The following TJP1 variants were observed in gnomAD, a reference collection of about 807,000 sequenced individuals.
The protein encoded by TJP1 is tight junction protein ZO-1.
A neutral mutation model predicts 194.2 loss-of-function variants in TJP1; 43 were observed. The observed-to-expected ratio is 0.22, with a 90% CI of 0.17 to 0.29. The LOEUF is 0.29. Among genes scored for constraint, TJP1 ranks in the 10% least tolerant of loss-of-function variants. The pLI, the probability that TJP1 is intolerant of heterozygous loss-of-function variation, is 1.00. For missense variants in TJP1, 1,971 were observed against 2,185.7 expected (o/e 0.90, Z 1.96); for synonymous variants, 801 against 779.0 (o/e 1.03, Z -0.47).
chr15:29,896,183 C>T (rs537829368), intron 2 of TJP1, among the ~76,000 whole-genome samples: 24 of 152,294 alleles, frequency 1.6e-4, no homozygotes, highest in Non-Finnish European at 3.5e-4. Flanking sequence ...TTGTAACTCC[C>T]ACAGTTCCCA....
intron 19 of TJP1, 61 bp downstream of exon 19, chr15:29,720,297 C>A: frequency 2.2e-6 from 3 of 1,370,916 alleles, no homozygotes; most frequent in Non-Finnish European, 3.0e-6. Context: ...AACTCAATCA[C>A]CACATTCTAA....
At chr15:29,880,892 C>T (rs774354869) in intron 2 of TJP1, among the ~76,000 whole-genome samples, 6 of 152,122 alleles carry the variant, frequency 3.9e-5, no homozygotes, top group East Asian at 3.9e-4. Context: ...TGAATAATGC[C>T]GCAACAAACA....
At chr15:29,814,201 C>T (rs1341638181) in intron 1 of TJP1, among the ~76,000 whole-genome samples, 2 of 152,156 alleles carry the variant, frequency 1.3e-5, no homozygotes, top group African/African-American at 4.8e-5. Flanking sequence ...ACTTTGTCAC[C>T]TCCTCCAACG....
intron 8 of TJP1, among the ~76,000 whole-genome samples, chr15:29,743,992 A>G (rs970146650): frequency 4.6e-5 from 7 of 152,152 alleles, no homozygotes; most frequent in African/African-American, 7.2e-5. Flanking sequence ...CATCCTGGCC[A>G]GTAAGGTGAA....
In TJP1 at chr15:29,720,611, C is replaced by T; in HGVS notation, c.2510G>A (p.Ser837Asn). 5 of 1,614,174 alleles carry T rather than the reference C, an allele frequency of 3.1e-6. No homozygotes were observed. Among genetic ancestry groups the T allele is most frequent in the Non-Finnish European group, 4.2e-6 (5 of 1,180,038 alleles). ...GTCTTCATAGTCAGAAGTGTGTCTACTGTCCGTGCTATACATTGAGTATTC... is the reference window on the plus strand; with the variant it reads ...GTCTTCATAGTCAGAAGTGTGTCTATTGTCCGTGCTATACATTGAGTATTC... ...GSEYSMYSTD[S>N]RHTSDYEDTD... The change falls in exon 19 of 28, where the codon AGT (serine) becomes AAT (asparagine). Residue 837 changes from serine to asparagine, a missense_variant. By Grantham distance (46) the Ser-to-Asn change is conservative. This residue lies in a region of TJP1 where 402 missense variants were observed against 484.2 expected (regional missense o/e 0.83). Transcript: ENST00000614355.
rs749163024 is a variant in TJP1 at position 29,761,628 on chromosome 15, G to A, written c.835C>T (p.His279Tyr). Residue 279 changes from histidine to tyrosine, a missense_variant, in exon 7 of 28, where the codon CAC (histidine) becomes TAC (tyrosine). His to Tyr is a moderately conservative substitution (Grantham distance 83, BLOSUM62 2). Around this residue, in one of 5 missense-constraint regions of TJP1, gnomAD observed 192 missense variants for 182.3 expected, o/e 1.05. Coordinates refer to ENST00000614355, the MANE Select transcript of TJP1 (RefSeq NM_001330239.4). ...TCTCTCTCAGAGGCATTAGCAGAGT[G>A]GATGCTGTCAGAAAGATCAGGGACA... ...LNVPDLSDSI[H>Y]SANASERDDI... 6.2e-7 allele frequency: 1 copy of A among 1,605,690 alleles called. No individual in the cohort carries two copies. The highest frequency in any genetic ancestry group is 8.5e-7 in the Non-Finnish European group (1 of 1,173,318).
chr15:29,772,305 AAAT>A (rs1793856321), intron 3 of TJP1, 139 bp from the exon 4 acceptor site: 1 of 557,118 alleles, frequency 1.8e-6, no homozygotes, highest in Non-Finnish European at 3.1e-6. Context: ...ATCAATGATA[AAAT>A]AATGTCAACT....
intron 2 of TJP1, among the ~76,000 whole-genome samples, chr15:29,934,785 A>G (rs1225572459): frequency 1.3e-5 from 2 of 152,232 alleles, no homozygotes; most frequent in Admixed American, 6.5e-5. Flanking sequence ...ATACAAACTT[A>G]TATTAGAGAC....
intron 2 of TJP1, among the ~76,000 whole-genome samples, chr15:29,864,018 G>A (rs970142568): frequency 6.6e-6 from 1 of 152,064 alleles, no homozygotes. Flanking sequence ...GTTGTTTAAG[G>A]ATTCTGGTGC....
At chr15:29,903,689 C>T (rs1301331793) in intron 2 of TJP1, among the ~76,000 whole-genome samples, 1 of 152,204 alleles carries the variant, frequency 6.6e-6, no homozygotes, top group Non-Finnish European at 1.5e-5. Flanking sequence ...TGTGATCCGC[C>T]CGCCTCGGCC....
chr15:29,745,255 T>C (rs2044686878), intron 8 of TJP1, among the ~76,000 whole-genome samples: 1 of 149,280 alleles, frequency 6.7e-6, no homozygotes, highest in South Asian at 2.1e-4. Flanking sequence ...CACTCTGATT[T>C]TGAAGACCCA....
intron 8 of TJP1, among the ~76,000 whole-genome samples, chr15:29,744,595 T>TA (rs2044642907): frequency 6.6e-6 from 1 of 152,180 alleles, no homozygotes. Context: ...GTATCACGTA[T>TA]ATATGGTTTT....
At chr15:29,822,525 A>G (rs1389724075), upstream of TJP1, 7 of 975,892 alleles carry the variant, frequency 7.2e-6, no homozygotes, top group Non-Finnish European at 8.5e-6. Context: ...GCGGGGCTGG[A>G]CGAGGCGAGG....
intron 1 of TJP1, among the ~76,000 whole-genome samples, chr15:29,812,933 C>A (rs534692984): frequency 6.6e-6 from 1 of 151,960 alleles, no homozygotes; most frequent in South Asian, 2.1e-4. Context: ...GATACAGCAT[C>A]AAAATAGTGT....
intron 2 of TJP1, among the ~76,000 whole-genome samples, chr15:29,842,164 T>C (rs985065109): frequency 1.6e-4 from 24 of 152,140 alleles, no homozygotes; most frequent in African/African-American, 5.8e-4. Context: ...ACAAAAGCAG[T>C]TGTATCATAG....
intron 4 of TJP1, 68 bp downstream of exon 4, chr15:29,771,996 A>T: frequency 1.0e-6 from 1 of 997,070 alleles, no homozygotes; most frequent in Non-Finnish European, 1.5e-6. Flanking sequence ...GGATAAATTC[A>T]AATACCAGAA....
intron 2 of TJP1, among the ~76,000 whole-genome samples, chr15:29,829,822 C>T (rs560631988): frequency 6.6e-6 from 1 of 151,732 alleles, no homozygotes; most frequent in Non-Finnish European, 1.5e-5. Flanking sequence ...GGTAAGCATA[C>T]TTTTTATTTT....
intron 4 of TJP1, among the ~76,000 whole-genome samples, chr15:29,771,792 G>A (rs1423497025): frequency 2.0e-5 from 3 of 148,102 alleles, no homozygotes; most frequent in African/African-American, 5.0e-5. Context: ...GCGACAGAGC[G>A]AGACTCCGTC....
chr15:29,722,288 G>C (rs559420216), intron 18 of TJP1, among the ~76,000 whole-genome samples: 77 of 152,336 alleles, frequency 5.1e-4, no homozygotes, highest in African/African-American at 1.9e-3. Context: ...GGTTTTGTGG[G>C]TGATCCAGGC....
Sources: allele counts gnomAD v4.1 joint callset (sites outside exome capture counted in the v4.1 genomes callset), GRCh38; gene constraint gnomAD v4.1.1; regional missense constraint gnomAD v4.1.1; transcripts MANE v1.5; gene names NCBI Gene and HGNC (gene_info 2026-07-23, HGNC 2026-07-21).